Variants in THADA observed in about 807,000 individuals in gnomAD.
The protein encoded by THADA is THADA armadillo repeat containing, also known as tRNA (32-2'-O)-methyltransferase regulator THADA.
Under a neutral mutation model 219.8 loss-of-function variants are expected in THADA, and 213 were observed. The ratio of observed to expected loss-of-function variants is 0.97; its 90% CI spans 0.87 to 1.09. The LOEUF (loss-of-function observed/expected upper bound fraction) is 1.09. Ranked by LOEUF, THADA falls within the 50% of genes least tolerant of loss-of-function variation. The pLI is 0.00. For synonymous variants in THADA, 1,018 were observed against 828.9 expected (o/e 1.23, Z -3.92); for missense variants, 2,956 against 2,311.3 (o/e 1.28, Z -5.72).
intron 36 of THADA, among the ~76,000 whole-genome samples, chr2:43,260,931 T>G (rs1353674271): frequency 6.6e-6 from 1 of 152,222 alleles, no homozygotes; most frequent in Non-Finnish European, 1.5e-5. Flanking sequence ...TTTGGTTGGC[T>G]TGACCTTTTA....
chr2:43,427,162 C>A (rs978809900), intron 28 of THADA, among the ~76,000 whole-genome samples: 2 of 152,116 alleles, frequency 1.3e-5, no homozygotes, highest in Non-Finnish European at 1.5e-5. Context: ...CATTTACATG[C>A]CACCCATTGC....
At chr2:43,481,677 A>G (rs1686244919) in intron 26 of THADA, among the ~76,000 whole-genome samples, 1 of 152,206 alleles carries the variant, frequency 6.6e-6, no homozygotes, top group Admixed American at 6.5e-5. Context: ...ACTGAACTGT[A>G]AACTCCTTGA....
intron 36 of THADA, among the ~76,000 whole-genome samples, chr2:43,261,214 T>A (rs1348123888): frequency 7.0e-6 from 1 of 143,284 alleles, no homozygotes; most frequent in Non-Finnish European, 1.5e-5. Context: ...ATTTGTGCAT[T>A]TCTTTTTTTT....
chr2:43,330,720 T>C (rs1347732913), intron 30 of THADA, among the ~76,000 whole-genome samples: 6 of 152,144 alleles, frequency 3.9e-5, no homozygotes, highest in African/African-American at 1.2e-4. Context: ...TAAGTTTTGA[T>C]GGCAAGAAGG....
intron 35 of THADA, among the ~76,000 whole-genome samples, chr2:43,281,613 G>A (rs1342382195): frequency 6.6e-6 from 1 of 150,534 alleles, no homozygotes; most frequent in Non-Finnish European, 1.5e-5. Context: ...GGCTAATTTT[G>A]TATTTTTAGT....
intron 25 of THADA, among the ~76,000 whole-genome samples, chr2:43,489,874 C>CAAAAAAAAGAAAAAAAAA (rs1687405810): frequency 1.8e-5 from 1 of 56,088 alleles, no homozygotes; most frequent in Non-Finnish European, 3.8e-5. Flanking sequence ...TTAAGATCTG[C>CAAAAAAAAGAAAAAAAAA]AAAAAAAAAA....
chr2:43,495,333 T>C (rs1688130963), intron 25 of THADA, among the ~76,000 whole-genome samples: 2 of 152,048 alleles, frequency 1.3e-5, no homozygotes, highest in Admixed American at 1.3e-4. Context: ...CTTCATAAAG[T>C]GTTAAAAAGG....
chr2:43,333,942 G>A (rs779860262), intron 30 of THADA, among the ~76,000 whole-genome samples: 1 of 152,202 alleles, frequency 6.6e-6, no homozygotes, highest in South Asian at 2.1e-4. Context: ...CCTGGGAAGT[G>A]TAAGTCTCTT....
intron 29 of THADA, among the ~76,000 whole-genome samples, chr2:43,384,814 T>C (rs1672446192): frequency 1.3e-5 from 2 of 151,854 alleles, no homozygotes; most frequent in African/African-American, 4.8e-5. Context: ...AAAAATTAAA[T>C]TAAAATAAAT....
chr2:43,310,231 C>G (rs887332668), intron 31 of THADA, among the ~76,000 whole-genome samples: 15 of 124,918 alleles, frequency 1.2e-4, no homozygotes, highest in East Asian at 1.2e-3. Context: ...TTCCCGCCCC[C>G]CCCCCAAACA....
chr2:43,485,226 G>A lies in THADA; in HGVS notation c.3836+8C>T, dbSNP rs996435067. On this transcript the variant is annotated splice_region_variant and intron_variant, in intron 26 of 37. Coordinates refer to ENST00000405975, the MANE Select transcript of THADA (RefSeq NM_022065.5). ...AAAAAAGTAAAGTTAGCCTTAAATG[G>A]AGCTTACCTATTTGTTTTGGAATGT... 6.2e-7 allele frequency: 1 copy of A among 1,601,960 alleles called. No individual in the cohort carries two copies. The highest frequency in any genetic ancestry group is 8.5e-7 in the Non-Finnish European group (1 of 1,171,212).
intron 24 of THADA, among the ~76,000 whole-genome samples, chr2:43,503,900 T>C (rs887050097): frequency 1.3e-5 from 2 of 152,118 alleles, no homozygotes; most frequent in East Asian, 1.9e-4. Context: ...CTTATAAAAA[T>C]AGCACAGGTA....
At chr2:43,412,611 A>G (rs1228770886) in intron 28 of THADA, among the ~76,000 whole-genome samples, 2 of 152,208 alleles carry the variant, frequency 1.3e-5, no homozygotes, top group Non-Finnish European at 2.9e-5. Context: ...TATACTTCAA[A>G]GCATTTCATT....
chr2:43,437,030 G>A (rs1309924683), intron 26 of THADA, among the ~76,000 whole-genome samples: 1 of 152,194 alleles, frequency 6.6e-6, no homozygotes, highest in Non-Finnish European at 1.5e-5. Flanking sequence ...ATTCACAGAA[G>A]CTTCCCAGAG....
At chr2:43,246,356 A>T (rs1355777316) in intron 36 of THADA, among the ~76,000 whole-genome samples, 1 of 151,992 alleles carries the variant, frequency 6.6e-6, no homozygotes, top group East Asian at 1.9e-4. Context: ...TTAGCCGGGC[A>T]CGGTGGTGGG....
At chr2:43,434,025 AAGGGC>A (rs1679747065) in intron 26 of THADA, among the ~76,000 whole-genome samples, 1 of 152,210 alleles carries the variant, frequency 6.6e-6, no homozygotes. Flanking sequence ...TAGACACATC[AAGGGC>A]CAAGAGTAAG....
chr2:43,481,387 T>C (rs954113810), intron 26 of THADA, among the ~76,000 whole-genome samples: 2 of 152,212 alleles, frequency 1.3e-5, no homozygotes, highest in South Asian at 2.1e-4. Flanking sequence ...AATTTGAATA[T>C]GAGCTCTCTT....
At chr2:43,449,727 C>T (rs1682074983) in intron 26 of THADA, among the ~76,000 whole-genome samples, 2 of 152,018 alleles carry the variant, frequency 1.3e-5, no homozygotes, top group South Asian at 4.1e-4. Flanking sequence ...TGTGATTGCA[C>T]CACTGCACTC....
intron 35 of THADA, among the ~76,000 whole-genome samples, chr2:43,283,435 A>C (rs1465306957): frequency 6.6e-6 from 1 of 152,206 alleles, no homozygotes; most frequent in Non-Finnish European, 1.5e-5. Context: ...AAAGACAGGA[A>C]GATGTGGGAA....
Sources: gnomAD v4.1 joint callset for allele counts (sites outside exome capture counted in the v4.1 genomes callset) on GRCh38, gnomAD v4.1.1 for gene constraint, MANE v1.5 for transcripts, NCBI Gene and HGNC (gene_info 2026-07-23, HGNC 2026-07-21) for gene names.